THOC5: variants seen among roughly 807,000 people sequenced by gnomAD.
The protein encoded by THOC5 is THO complex subunit 5.
Under a neutral mutation model 92.9 loss-of-function variants are expected in THOC5, and 43 were observed. That is an observed-to-expected ratio of 0.46 (90% CI 0.36 to 0.60). The LOEUF (loss-of-function observed/expected upper bound fraction) is 0.60, where lower values mean the gene tolerates loss of function less well. Ranked by LOEUF, THOC5 falls within the 20% of genes least tolerant of loss-of-function variation. The probability of loss-of-function intolerance (pLI) is 0.00; values close to 1 mark genes in which losing one functional copy is unlikely to be tolerated. For synonymous variants in THOC5, 296 were observed against 320.1 expected (o/e 0.92, Z 0.80); for missense variants, 659 against 849.4 (o/e 0.78, Z 2.79).
chr22:29,531,298 A>G, intron 8 of THOC5: 1 of 985,434 alleles, frequency 1.0e-6, no homozygotes, highest in Non-Finnish European at 1.2e-6. Context: ...TGAAAGCTGC[A>G]TTAGGGCAAA....
intron 1 of THOC5, 26 bp from the exon 2 acceptor site, chr22:29,549,184 ATTCT>A (rs1307567953): frequency 1.9e-6 from 3 of 1,604,030 alleles, no homozygotes; most frequent in Non-Finnish European, 1.7e-6. Flanking sequence ...AGTTTTTGAG[ATTCT>A]TCTGGAGTCA....
intron 7 of THOC5, chr22:29,536,268 G>A (rs2063757687): frequency 4.9e-6 from 1 of 206,046 alleles, no homozygotes; most frequent in African/African-American, 2.3e-5. Flanking sequence ...CCTGAAGCAT[G>A]GTCGGGGGAT....
chr22:29,539,604 C>T (rs557874895), intron 5 of THOC5, 128 bp from the exon 6 acceptor site: 1 of 980,536 alleles, frequency 1.0e-6, no homozygotes, highest in South Asian at 1.8e-5. Context: ...ATCCAGTCTT[C>T]TCCACAAATG....
chr22:29,531,029 AGAATGGAACAGGCC>A, intron 8 of THOC5: 1 of 1,043,768 alleles, frequency 9.6e-7, no homozygotes, highest in South Asian at 2.9e-5. Context: ...CAAGAACATC[AGAATGGAACAGGCC>A]GATTTTAAAC....
intron 2 of THOC5, among the ~76,000 whole-genome samples, chr22:29,546,365 T>C (rs1408199203): frequency 6.6e-6 from 1 of 152,196 alleles, no homozygotes; most frequent in African/African-American, 2.4e-5. Context: ...TTGCTACTTA[T>C]GCAAATTTCT....
In THOC5 at chr22:29,536,687, C is replaced by A; in HGVS notation, c.651G>T (p.Lys217Asn). 1 of 1,613,998 alleles carries A rather than the reference C, an allele frequency of 6.2e-7. No individual in the cohort carries two copies. Among genetic ancestry groups the A allele is most frequent in the Non-Finnish European group, 8.5e-7 (1 of 1,179,850 alleles). ...GGTACTCCTTCTTCACCTCAATCTC[C>A]TTGAGAATCTTCTCCTTGTTAGATA... ...ECLSNKEKIL[K>N]EIEVKKEYLS... is the part of the protein sequence containing the mutation. Residue 217 changes from lysine (K) to asparagine (N), a missense_variant, in exon 7 of 20, where the codon AAG (lysine) becomes AAT (asparagine). Lys to Asn is a moderately conservative substitution (Grantham distance 94, BLOSUM62 0). Transcript: ENST00000490103.
chr22:29,545,101 G>A (rs1324705158), intron 2 of THOC5: 1 of 430,910 alleles, frequency 2.3e-6, no homozygotes, highest in Admixed American at 2.6e-5. Flanking sequence ...CATGGCGAGA[G>A]GTGAAAGGCA....
intron 6 of THOC5, among the ~76,000 whole-genome samples, chr22:29,537,756 G>A (rs560942013): frequency 2.6e-5 from 4 of 151,780 alleles, no homozygotes; most frequent in Non-Finnish European, 5.9e-5. Flanking sequence ...TGGGCGTGGT[G>A]GCACACGCCT....
chr22:29,510,634 C>G (rs1335251483), intron 19 of THOC5, among the ~76,000 whole-genome samples: 1 of 151,964 alleles, frequency 6.6e-6, no homozygotes, highest in African/African-American at 2.4e-5. Context: ...AAACAAAAAG[C>G]TGGAGGAGGG....
chr22:29,540,977 G>C (rs1569229896), intron 5 of THOC5, among the ~76,000 whole-genome samples: 1 of 152,150 alleles, frequency 6.6e-6, no homozygotes, highest in African/African-American at 2.4e-5. Flanking sequence ...AGCACTTTGG[G>C]AGGTCGAAAT....
chr22:29,513,223 G>A (rs2063259820), intron 17 of THOC5, among the ~76,000 whole-genome samples: 2 of 152,050 alleles, frequency 1.3e-5, no homozygotes, highest in African/African-American at 4.8e-5. Flanking sequence ...GGTGGTGGGC[G>A]ACTGTAGTCC....
chr22:29,547,302 T>C (rs1337558716), intron 2 of THOC5, among the ~76,000 whole-genome samples: 8 of 152,196 alleles, frequency 5.3e-5, no homozygotes, highest in African/African-American at 1.9e-4. Flanking sequence ...CAGTTTCCAA[T>C]AAGTTCCTCA....
chr22:29,517,493 C>T (rs2063356558), intron 15 of THOC5, 127 bp from the exon 16 acceptor site: 4 of 739,702 alleles, frequency 5.4e-6, no homozygotes, highest in Non-Finnish European at 9.1e-6. Flanking sequence ...ATACCTGGTA[C>T]TCAGGAAGTA....
In THOC5 at chr22:29,519,050, C is replaced by G; in HGVS notation, c.1445G>C (p.Arg482Thr). The G allele has an allele frequency of 6.2e-7, 1 of 1,611,120 alleles. No individual in the cohort carries two copies. Among genetic ancestry groups the G allele is most frequent in the Non-Finnish European group, 8.5e-7 (1 of 1,178,644 alleles). ...GTGGAGGGCCAGGCGGGACTGCACC[C>G]TGGTCTTCAGAAGTTTCATGGTGGT... ...METTMKLLKT[R>T]VQSRLALHKQ... Residue 482 changes from arginine to threonine, a missense_variant, in exon 15 of 20, where the codon AGG (arginine) becomes ACG (threonine). Arg to Thr is a moderately conservative substitution (Grantham distance 71). Transcript: ENST00000490103.
intron 12 of THOC5, among the ~76,000 whole-genome samples, chr22:29,523,477 C>G (rs75887109): frequency 6.6e-6 from 1 of 152,098 alleles, no homozygotes; most frequent in Non-Finnish European, 1.5e-5. Flanking sequence ...CTAATCTGAT[C>G]AAGTCTCTAA....
chr22:29,538,801 G>GAA (rs1377166309), intron 6 of THOC5, among the ~76,000 whole-genome samples: 9 of 91,986 alleles, frequency 9.8e-5, no homozygotes, highest in African/African-American at 3.8e-4. Flanking sequence ...CATCTCTTTG[G>GAA]AAAAAAAAAA....
chr22:29,520,624 T>C (rs1044516277), intron 13 of THOC5, among the ~76,000 whole-genome samples: 4 of 152,196 alleles, frequency 2.6e-5, no homozygotes, highest in African/African-American at 9.6e-5. Context: ...ACCTCCCCAG[T>C]AGCTGGGACT....
At chr22:29,552,029 G>T (rs188952379) in intron 1 of THOC5, among the ~76,000 whole-genome samples, 1 of 152,034 alleles carries the variant, frequency 6.6e-6, no homozygotes, top group East Asian at 1.9e-4. Context: ...GCGAGTGATC[G>T]GCCAGCCTCG....
At chr22:29,539,535 G>A in intron 5 of THOC5, 59 bp from the exon 6 acceptor site, 1 of 1,574,016 alleles carries the variant, frequency 6.4e-7, no homozygotes, top group Non-Finnish European at 8.6e-7. Context: ...TGTAGTTTAA[G>A]CAGGCCCAAA....
Sources: allele counts gnomAD v4.1 joint callset (sites outside exome capture counted in the v4.1 genomes callset), GRCh38; gene constraint gnomAD v4.1.1; transcripts MANE v1.5; gene names NCBI Gene and HGNC (gene_info 2026-07-23, HGNC 2026-07-21).